Variants in LPP observed in about 807,000 individuals in gnomAD.
The protein encoded by LPP is lipoma-preferred partner.
A neutral mutation model predicts 60.4 loss-of-function variants in LPP; 38 were observed. The ratio of observed to expected loss-of-function variants is 0.63; its 90% CI spans 0.49 to 0.83. The LOEUF (loss-of-function observed/expected upper bound fraction) is 0.83. LPP is among the 40% of genes least tolerant of loss of function. The pLI is 0.00. For missense variants in LPP, 902 were observed against 783.6 expected (o/e 1.15, Z -1.80); for synonymous variants, 328 against 290.8 (o/e 1.13, Z -1.30).
intron 6 of LPP, among the ~76,000 whole-genome samples, chr3:188,550,492 C>T (rs1579871880): frequency 6.8e-6 from 1 of 147,752 alleles, no homozygotes; most frequent in East Asian, 2.0e-4. Context: ...GCAGGAGAAT[C>T]GCTTGAACCT....
chr3:188,747,043 A>C (rs901028801), intron 8 of LPP, among the ~76,000 whole-genome samples: 1 of 152,180 alleles, frequency 6.6e-6, no homozygotes, highest in Non-Finnish European at 1.5e-5. Flanking sequence ...TTAGAAAAAC[A>C]CTTGATTCGG....
rs377065168 is a variant in LPP, at chr3:188,874,500, G to C, written c.*21G>C. ...TTTAGATTCAGTCACCTGTTCAGCCGGCACTGAGAAGAACGAACACAAGAA... is the reference window on the plus strand; with the variant it reads ...TTTAGATTCAGTCACCTGTTCAGCCCGCACTGAGAAGAACGAACACAAGAA... On this transcript the variant is annotated 3_prime_UTR_variant, in exon 12 of 12. Coordinates refer to ENST00000617246, the MANE Select transcript of LPP (RefSeq NM_001375462.1). The C allele has an allele frequency of 1.1e-5, 17 of 1,608,806 alleles. No homozygotes were observed. The highest frequency in any genetic ancestry group is 1.2e-5 in the Non-Finnish European group (14 of 1,176,310).
chr3:188,781,635 G>A (rs538400205), intron 9 of LPP, among the ~76,000 whole-genome samples: 23 of 151,838 alleles, frequency 1.5e-4, no homozygotes, highest in African/African-American at 5.1e-4. Flanking sequence ...TGTAATCCCA[G>A]CACTTTGGGA....
chr3:188,448,350 A>T (rs1394746643), intron 4 of LPP, among the ~76,000 whole-genome samples: 1 of 6,444 alleles, frequency 1.6e-4, no homozygotes, highest in African/African-American at 2.9e-4. Context: ...CTCGTGCAAA[A>T]GCTAACACAT....
intron 4 of LPP, among the ~76,000 whole-genome samples, chr3:188,459,100 A>G (rs535157526): frequency 2.6e-5 from 4 of 152,268 alleles, no homozygotes; most frequent in African/African-American, 7.2e-5. Flanking sequence ...TATTCCATTT[A>G]TAGAAGAGTT....
At chr3:188,477,113 G>A (rs921718995) in intron 4 of LPP, among the ~76,000 whole-genome samples, 1 of 152,198 alleles carries the variant, frequency 6.6e-6, no homozygotes, top group Non-Finnish European at 1.5e-5. Context: ...AGTAGAATTT[G>A]TATCCGGTAT....
intron 5 of LPP, among the ~76,000 whole-genome samples, chr3:188,516,474 CT>C (rs1349224892): frequency 6.6e-6 from 1 of 151,908 alleles, no homozygotes; most frequent in Non-Finnish European, 1.5e-5. Flanking sequence ...CCAAATACCT[CT>C]TAGCTATTAT....
intron 4 of LPP, among the ~76,000 whole-genome samples, chr3:188,414,886 T>C (rs1458742372): frequency 1.3e-5 from 2 of 152,090 alleles, no homozygotes; most frequent in South Asian, 2.1e-4. Context: ...TAGACACGTT[T>C]TGGGGGACTT....
In LPP at chr3:188,466,034, A is replaced by G. The variant is rs188502247; in HGVS notation, c.194-18558A>G. Among the ~76,000 whole-genome samples the G allele has an allele frequency of 1.8e-3, 274 of 152,266 alleles. 9 individuals carry two copies. The South Asian group carries it at 0.055, about 30-fold the overall frequency. ...TTTAGGGATTCCTGGCAGGGCAGGA[A>G]GAAGGGGCAAGATTTGCGAGGATCA... On this transcript the variant is annotated intron_variant, in intron 4 of 11. Coordinates refer to ENST00000617246, the MANE Select transcript of LPP (RefSeq NM_001375462.1).
chr3:188,268,017 ATTTTTTTT>A lies in LPP; in HGVS notation c.-67+42506_-67+42513del, dbSNP rs5855185. Reference sequence around the variant, plus strand: ...GATGGAATTCCAACTATTTTTAAGGATTTTTTTTTTTTTTTTTTTTTTTGCTGAGTTTG... The same window carrying A: ...GATGGAATTCCAACTATTTTTAAGGATTTTTTTTTTTTTTTGCTGAGTTTG... On this transcript the variant is annotated intron_variant, in intron 2 of 11. Transcript: ENST00000617246. Among the ~76,000 whole-genome samples the A allele has an allele frequency of 1.6e-4, 16 of 102,334 alleles. No homozygotes were observed. In the East Asian group the frequency reaches 1.6e-3, roughly 10 times the overall value. 67.1% of individuals were successfully genotyped at this position (102,334 alleles called of 152,430 possible).
chr3:188,176,318 AAAAT>A (rs1195298769), intron 1 of LPP, among the ~76,000 whole-genome samples: 3 of 152,114 alleles, frequency 2.0e-5, no homozygotes, highest in Admixed American at 6.5e-5. Context: ...TTTTGTAAAA[AAAAT>A]AAATAAATAA....
At chr3:188,508,940 T>C (rs1480981286) in intron 5 of LPP, among the ~76,000 whole-genome samples, 1 of 152,188 alleles carries the variant, frequency 6.6e-6, no homozygotes, top group African/African-American at 2.4e-5. Flanking sequence ...CCGATGGGTT[T>C]GTTAAATGCC....
chr3:188,493,799 CT>C (rs1470290677), intron 5 of LPP, among the ~76,000 whole-genome samples: 1 of 152,024 alleles, frequency 6.6e-6, no homozygotes, highest in East Asian at 1.9e-4. Flanking sequence ...TCACCTTTTT[CT>C]TCTTTATGAA....
intron 5 of LPP, among the ~76,000 whole-genome samples, chr3:188,523,697 A>G (rs570065430): frequency 6.6e-6 from 1 of 152,322 alleles, no homozygotes; most frequent in South Asian, 2.1e-4. Context: ...ACGTCCTTAG[A>G]CAAGTCCAGT....
rs1332379962 is a variant in LPP, at chr3:188,217,667, C to T, written c.-189-7738C>T. Among the ~76,000 whole-genome samples, 1 of 152,080 alleles carries T rather than the reference C, an allele frequency of 6.6e-6. No homozygotes were observed. Among genetic ancestry groups the T allele is most frequent in the Non-Finnish European group, 1.5e-5 (1 of 67,992 alleles). Reference sequence around the variant, plus strand: ...TCTATAGGATCTCAAGTGTGATTTCCTTCAGAGAAATGCTGAGCTAAATGG... The same window carrying T: ...TCTATAGGATCTCAAGTGTGATTTCTTTCAGAGAAATGCTGAGCTAAATGG... On this transcript the variant is annotated intron_variant, in intron 1 of 11. Transcript: ENST00000617246. The surrounding 1 kb of genome is among the most constrained non-coding windows in gnomAD (Gnocchi z 4.0).
chr3:188,523,709 G>A (rs1819656538), intron 5 of LPP, among the ~76,000 whole-genome samples: 2 of 152,186 alleles, frequency 1.3e-5, no homozygotes, highest in Non-Finnish European at 2.9e-5. Context: ...AAGTCCAGTA[G>A]AATTGATTAG....
intron 8 of LPP, among the ~76,000 whole-genome samples, chr3:188,736,468 T>C (rs142212924): frequency 7.1e-4 from 108 of 152,180 alleles, no homozygotes; most frequent in African/African-American, 2.5e-3. Flanking sequence ...AAAAGAAAAT[T>C]TAAATAATTG....
At chr3:188,725,403 T>C (rs1265152884) in intron 8 of LPP, 1 of 152,198 alleles carries the variant, frequency 6.6e-6, no homozygotes, top group African/African-American at 2.4e-5. Flanking sequence ...TGGACTTAAT[T>C]TGGAGATCAC....
intron 7 of LPP, among the ~76,000 whole-genome samples, chr3:188,678,623 C>T (rs1032123342): frequency 3.9e-5 from 6 of 152,178 alleles, no homozygotes; most frequent in Non-Finnish European, 8.8e-5. Context: ...ATGAATACAG[C>T]ATACTTACAT....
Sources: allele counts gnomAD v4.1 joint callset (sites outside exome capture counted in the v4.1 genomes callset), GRCh38; gene constraint gnomAD v4.1.1; non-coding constraint Gnocchi (gnomAD v3.1); transcripts MANE v1.5; gene names NCBI Gene and HGNC (gene_info 2026-07-23, HGNC 2026-07-21).